The following TRDN variants were observed in gnomAD, a reference collection of about 807,000 sequenced individuals.
The protein encoded by TRDN is triadin in skeletal muscle.
A neutral mutation model predicts 149.7 loss-of-function variants in TRDN; 161 were observed. The ratio of observed to expected loss-of-function variants is 1.08; its 90% CI spans 0.95 to 1.23. TRDN has a LOEUF of 1.23. TRDN is among the 50% of genes most tolerant of loss of function. The pLI is 0.00. For missense variants in TRDN, 896 were observed against 823.5 expected, an observed-to-expected ratio of 1.09 and a Z score of -1.08; for synonymous variants, 294 against 250.5, an observed-to-expected ratio of 1.17 and a Z score of -1.64.
At chr6:123,286,060 T>C (rs1170990288) in intron 24 of TRDN, among the ~76,000 whole-genome samples, 1 of 152,076 alleles carries the variant, frequency 6.6e-6, no homozygotes, top group Non-Finnish European at 1.5e-5. Context: ...AAGAGAACAC[T>C]TCTACACTGC....
At chr6:123,563,004 C>G (rs1435805139) in intron 2 of TRDN, among the ~76,000 whole-genome samples, 1 of 152,222 alleles carries the variant, frequency 6.6e-6, no homozygotes, top group African/African-American at 2.4e-5. Flanking sequence ...TTTTTCCACA[C>G]TCATCTTTAC....
intron 26 of TRDN, 32 bp downstream of exon 26, chr6:123,278,286 A>G (rs1372355928): frequency 8.0e-7 from 1 of 1,244,076 alleles, no homozygotes; most frequent in Non-Finnish European, 1.1e-6. Flanking sequence ...AAACATGGAA[A>G]TCATATATGT....
At chr6:123,245,322 C>T (rs1776132539) in intron 38 of TRDN, among the ~76,000 whole-genome samples, 1 of 152,018 alleles carries the variant, frequency 6.6e-6, no homozygotes, top group Admixed American at 6.6e-5. Flanking sequence ...AGTCAAGACT[C>T]ATCAGTGTGC....
chr6:123,289,943 C>T (rs1003845303), intron 24 of TRDN, among the ~76,000 whole-genome samples: 4 of 152,176 alleles, frequency 2.6e-5, no homozygotes, highest in Non-Finnish European at 4.4e-5. Flanking sequence ...TCTCCACCAA[C>T]TCCAGAGCTA....
intron 38 of TRDN, among the ~76,000 whole-genome samples, chr6:123,236,653 T>C (rs1420328870): frequency 6.6e-6 from 1 of 152,188 alleles, no homozygotes. Flanking sequence ...TTTCAAAAAA[T>C]ACATAGATGT....
At chr6:123,379,847 G>A (rs1473144859) in intron 16 of TRDN, among the ~76,000 whole-genome samples, 22 of 152,012 alleles carry the variant, frequency 1.4e-4, no homozygotes, top group Admixed American at 1.4e-3. Flanking sequence ...TTTACAAAAT[G>A]TACAGGATGG....
intron 24 of TRDN, among the ~76,000 whole-genome samples, chr6:123,280,782 T>C (rs1777555938): frequency 6.6e-6 from 1 of 151,916 alleles, no homozygotes; most frequent in Non-Finnish European, 1.5e-5. Context: ...GATCTCTTTA[T>C]CATTATGTTA....
chr6:123,571,691 C>T (rs943889901), intron 1 of TRDN, among the ~76,000 whole-genome samples: 2 of 151,868 alleles, frequency 1.3e-5, no homozygotes, highest in Admixed American at 1.3e-4. Flanking sequence ...CCAGAAATAA[C>T]CACTGTTAAT....
At chr6:123,585,048 T>G (rs149727496) in intron 1 of TRDN, among the ~76,000 whole-genome samples, 52 of 123,636 alleles carry the variant, frequency 4.2e-4, no homozygotes, top group East Asian at 2.0e-3. Context: ...TTGGCATTGA[T>G]TGGAGTAAGG....
At chr6:123,546,247 C>T (rs2114425548) in intron 4 of TRDN, among the ~76,000 whole-genome samples, 1 of 152,252 alleles carries the variant, frequency 6.6e-6, no homozygotes, top group South Asian at 2.1e-4. Context: ...TTCCTTTCTC[C>T]TCACAGAGCT....
chr6:123,495,330 C>T (rs573656612), intron 9 of TRDN, among the ~76,000 whole-genome samples: 38 of 151,820 alleles, frequency 2.5e-4, no homozygotes, highest in Admixed American at 5.9e-4. Context: ...ACCAGCCTGG[C>T]TAACATGGTG....
chr6:123,388,665 A>T, intron 13 of TRDN, 114 bp from the exon 14 acceptor site: 3 of 1,091,454 alleles, frequency 2.7e-6, no homozygotes, highest in South Asian at 1.6e-5. Context: ...CCTATACACT[A>T]ATCAATTCAT....
chr6:123,324,951 A>G (rs921939564), intron 23 of TRDN, among the ~76,000 whole-genome samples: 2 of 152,186 alleles, frequency 1.3e-5, no homozygotes, highest in Non-Finnish European at 2.9e-5. Context: ...CACTTTAACA[A>G]TTCTTCAGAA....
At chr6:123,594,051 G>A (rs2114627931) in intron 1 of TRDN, among the ~76,000 whole-genome samples, 1 of 152,200 alleles carries the variant, frequency 6.6e-6, no homozygotes, top group East Asian at 1.9e-4. Flanking sequence ...ATATTTGCAT[G>A]TAGAAAAGTG....
chr6:123,240,475 A>G (rs751520394), intron 38 of TRDN, among the ~76,000 whole-genome samples: 1 of 151,876 alleles, frequency 6.6e-6, no homozygotes, highest in Non-Finnish European at 1.5e-5. Context: ...AACGTAAAAA[A>G]AAAGCCATAA....
intron 26 of TRDN, among the ~76,000 whole-genome samples, chr6:123,277,163 G>A (rs1454136240): frequency 6.6e-6 from 1 of 152,126 alleles, no homozygotes; most frequent in Non-Finnish European, 1.5e-5. Context: ...AAAAAGAGAA[G>A]AGGAATTTTG....
chr6:123,234,927 C>A (rs1006027427), intron 38 of TRDN, among the ~76,000 whole-genome samples: 1 of 151,928 alleles, frequency 6.6e-6, no homozygotes, highest in Non-Finnish European at 1.5e-5. Flanking sequence ...AGGCTAGGAT[C>A]GTTTGTTAAG....
intron 20 of TRDN, among the ~76,000 whole-genome samples, chr6:123,356,515 A>ATATATG (rs1780685078): frequency 6.5e-5 from 1 of 15,428 alleles, no homozygotes; most frequent in Non-Finnish European, 1.3e-4. Flanking sequence ...ATATATATAT[A>ATATATG]TATATATATA....
chr6:123,266,831 A>G (rs897620438), intron 32 of TRDN, among the ~76,000 whole-genome samples: 2 of 138,466 alleles, frequency 1.4e-5, no homozygotes, highest in African/African-American at 5.3e-5. Context: ...TAGATAGATA[A>G]TGCTAGAAGG....
Sources: allele counts gnomAD v4.1 joint callset (sites outside exome capture counted in the v4.1 genomes callset), GRCh38; gene constraint gnomAD v4.1.1; transcripts MANE v1.5; gene names NCBI Gene and HGNC (gene_info 2026-07-23, HGNC 2026-07-21).